The following NUP133 variants were observed in gnomAD, a reference collection of about 807,000 sequenced individuals.
NUP133 encodes the protein nuclear pore complex protein Nup133.
In NUP133, 66 loss-of-function variants were observed where a neutral mutation model predicts 146.2. The ratio of observed to expected loss-of-function variants is 0.45; its 90% CI spans 0.37 to 0.55. The LOEUF is 0.55. NUP133 is among the 20% of genes least tolerant of loss of function. The pLI is 0.00. For missense variants in NUP133, 1,277 were observed against 1,374.8 expected (o/e 0.93, Z 1.12); for synonymous variants, 521 against 498.8 (o/e 1.04, Z -0.59).
At chr1:229,456,923 G>C (rs996125590) in intron 21 of NUP133, among the ~76,000 whole-genome samples, 1 of 151,480 alleles carries the variant, frequency 6.6e-6, no homozygotes, top group South Asian at 2.1e-4. Context: ...AACCTCCTGG[G>C]CTCAAGTGAT....
At chr1:229,489,439 G>A (rs1335384426) in intron 9 of NUP133, among the ~76,000 whole-genome samples, 1 of 152,186 alleles carries the variant, frequency 6.6e-6, no homozygotes, top group East Asian at 1.9e-4. Context: ...TCTGCTAGTT[G>A]CTTCCATTCT....
intron 25 of NUP133, among the ~76,000 whole-genome samples, chr1:229,444,063 T>C (rs1660249100): frequency 6.6e-6 from 1 of 152,098 alleles, no homozygotes; most frequent in South Asian, 2.1e-4. Flanking sequence ...CTGGGCGTGG[T>C]GGCTCATGCC....
At chr1:229,449,851 T>TATATATATATATATATATATATATATA (rs1660401047) in intron 23 of NUP133, among the ~76,000 whole-genome samples, 5 of 67,652 alleles carry the variant, frequency 7.4e-5, no homozygotes, top group African/African-American at 3.4e-4. Context: ...TATGAAGATT[T>TATATATATATATATATATATATATATA]TATATATATA....
Position 229,477,638 on chromosome 1 carries a change from T to C in NUP133, c.1715A>G (p.Tyr572Cys). The change falls in exon 13 of 26, where the codon TAC becomes TGC. Residue 572 changes from tyrosine (Y) to cysteine (C), a missense_variant. This residue lies in a region of NUP133 where 952 missense variants were observed against 1,047.0 expected (regional missense o/e 0.91). Transcript: ENST00000261396. Reference protein sequence around the residue: ...TQISVDLMDDYPASDPRWAES... With the variant: ...TQISVDLMDDCPASDPRWAES... ...AGCCCACCGTGGGTCAGATGCTGGG[T>C]AGTCATCCATCAGGTCTACACTGAT... is the stretch of plus-strand genomic sequence containing the variant. The C allele has an allele frequency of 3.1e-6, 5 of 1,613,808 alleles. No individual in the cohort carries two copies. The highest frequency in any genetic ancestry group is 4.2e-6 in the Non-Finnish European group (5 of 1,179,826).
At chr1:229,490,420 T>C (rs971793709) in intron 8 of NUP133, among the ~76,000 whole-genome samples, 12 of 138,816 alleles carry the variant, frequency 8.6e-5, no homozygotes, top group African/African-American at 2.8e-4. Flanking sequence ...AAAAAAAAAA[T>C]ACTGAATGAA....
At chr1:229,462,969 T>C (rs185522528) in intron 19 of NUP133, among the ~76,000 whole-genome samples, 1 of 152,358 alleles carries the variant, frequency 6.6e-6, no homozygotes, top group East Asian at 1.9e-4. Context: ...GTATCTTCTA[T>C]ACAATTTTTA....
intron 6 of NUP133, 31 bp downstream of exon 6, chr1:229,498,105 A>G: frequency 6.8e-7 from 1 of 1,468,846 alleles, no homozygotes. Context: ...CTAAGAAATA[A>G]GCTTGTAAAA....
At chr1:229,459,251 A>T (rs960204186) in intron 20 of NUP133, among the ~76,000 whole-genome samples, 4 of 152,170 alleles carry the variant, frequency 2.6e-5, no homozygotes, top group Non-Finnish European at 5.9e-5. Flanking sequence ...GGCTGGGTGC[A>T]GTGGCTCATG....
At chr1:229,477,168 G>T (rs749478016) in intron 13 of NUP133, among the ~76,000 whole-genome samples, 25 of 152,036 alleles carry the variant, frequency 1.6e-4, no homozygotes, top group Non-Finnish European at 3.1e-4. Context: ...GGCCGGGCCT[G>T]GTGGCTCACA....
intron 21 of NUP133, among the ~76,000 whole-genome samples, chr1:229,456,056 T>C (rs567038818): frequency 6.6e-6 from 1 of 152,306 alleles, no homozygotes; most frequent in East Asian, 1.9e-4. Flanking sequence ...AGGGCAACTG[T>C]ATTATACAAT....
At chr1:229,498,559 G>A (rs1438641482) in intron 5 of NUP133, among the ~76,000 whole-genome samples, 1 of 152,042 alleles carries the variant, frequency 6.6e-6, no homozygotes, top group African/African-American at 2.4e-5. Flanking sequence ...CCAGCACTTT[G>A]GGAGCCCAAG....
chr1:229,456,826 G>T (rs996487165), intron 21 of NUP133, among the ~76,000 whole-genome samples: 1 of 149,948 alleles, frequency 6.7e-6, no homozygotes, highest in Admixed American at 6.7e-5. Flanking sequence ...TATAGAGAGA[G>T]ACTTTTTTTT....
At chr1:229,462,570 T>C (rs914723422) in intron 19 of NUP133, among the ~76,000 whole-genome samples, 4 of 151,312 alleles carry the variant, frequency 2.6e-5, no homozygotes, top group Admixed American at 6.6e-5. Flanking sequence ...GGAAATTTTT[T>C]TTTTTTTTAA....
At chr1:229,479,640 A>C (rs957112112) in intron 12 of NUP133, among the ~76,000 whole-genome samples, 6 of 152,176 alleles carry the variant, frequency 3.9e-5, no homozygotes, top group African/African-American at 1.4e-4. Flanking sequence ...TAAGGATGGA[A>C]GAATAAGCTT....
chr1:229,453,196 T>C (rs1216320193), intron 21 of NUP133, among the ~76,000 whole-genome samples: 1 of 152,130 alleles, frequency 6.6e-6, no homozygotes, highest in Admixed American at 6.6e-5. Context: ...CCCAAAGTGT[T>C]GGGAGGGTAA....
intron 12 of NUP133, among the ~76,000 whole-genome samples, chr1:229,480,420 A>T (rs900230841): frequency 4.6e-5 from 7 of 152,196 alleles, no homozygotes; most frequent in Non-Finnish European, 8.8e-5. Flanking sequence ...AAGATTTAAT[A>T]AAAAATTACA....
chr1:229,449,398 C>T (rs374184366), intron 23 of NUP133, among the ~76,000 whole-genome samples: 1 of 145,196 alleles, frequency 6.9e-6, no homozygotes, highest in Admixed American at 7.0e-5. Flanking sequence ...GACGGAGTCT[C>T]GCTCTGTCGC....
rs1339777680 is a variant in NUP133 at position 229,499,685 on chromosome 1, T to C, written c.647A>G (p.Gln216Arg). The stretch of plus-strand genomic sequence containing the variant: ...TATAAAGGAATATCCGTGGTATACC[T>C]GCACTGCTGTTAGGAAACTGTAAGT... ...DKTYSFLTAV[Q>R]GGSFILSSSG... is the part of the protein sequence containing the mutation. Residue 216 changes from glutamine (Q) to arginine (R), a missense_variant and splice_region_variant, in exon 5 of 26, where the codon CAG becomes CGG. Physicochemically the swap from Gln to Arg is conservative, Grantham distance 43. This residue lies in a region of NUP133 where 319 missense variants were observed against 306.9 expected (regional missense o/e 1.04). Transcript: ENST00000261396. 1 of 1,612,092 alleles carries C rather than the reference T, an allele frequency of 6.2e-7. No homozygotes were observed. The highest frequency in any genetic ancestry group is 1.7e-5 in the Admixed American group (1 of 59,546).
intron 13 of NUP133, among the ~76,000 whole-genome samples, 167 bp from the exon 14 acceptor site, chr1:229,475,899 A>G (rs1661063423): frequency 6.6e-6 from 1 of 152,128 alleles, no homozygotes; most frequent in Non-Finnish European, 1.5e-5. Context: ...CACGAGGTCA[A>G]GAGATCGAGA....
Sources: allele counts gnomAD v4.1 joint callset (sites outside exome capture counted in the v4.1 genomes callset), GRCh38; gene constraint gnomAD v4.1.1; regional missense constraint gnomAD v4.1.1; transcripts MANE v1.5; gene names NCBI Gene and HGNC (gene_info 2026-07-23, HGNC 2026-07-21).